Variants in APPBP2 observed in about 807,000 individuals in gnomAD.
The protein encoded by APPBP2 is amyloid protein-binding protein 2.
In APPBP2, 15 loss-of-function variants were observed where a neutral mutation model predicts 76.0. The observed-to-expected ratio is 0.20, with a 90% CI of 0.13 to 0.30. The LOEUF is 0.30. Ranked by LOEUF, APPBP2 falls within the 10% of genes least tolerant of loss-of-function variation. The probability of loss-of-function intolerance (pLI) is 1.00; values close to 1 mark genes in which losing one functional copy is unlikely to be tolerated. For missense variants in APPBP2, 401 were observed against 687.2 expected (o/e 0.58, Z 4.66); for synonymous variants, 222 against 242.2 (o/e 0.92, Z 0.77).
chr17:60,483,559 A>G (rs1026697325), intron 3 of APPBP2, among the ~76,000 whole-genome samples: 2 of 151,740 alleles, frequency 1.3e-5, no homozygotes, highest in Non-Finnish European at 2.9e-5. Context: ...ACACCTGGCT[A>G]TTTTTTTGTA....
In APPBP2 at chr17:60,519,778, A is replaced by ATT. The variant is rs748167583; in HGVS notation, c.138+6014_138+6015dup. On this transcript the variant is annotated intron_variant, in intron 1 of 12. Coordinates refer to ENST00000083182, the MANE Select transcript of APPBP2 (RefSeq NM_006380.5). Reference sequence around the variant, plus strand: ...TTTATAATTTTAGTAGCCAAATTTAATTTTTTTTTTTTTTTTTTTTTTTGA... The same window carrying ATT: ...TTTATAATTTTAGTAGCCAAATTTAATTTTTTTTTTTTTTTTTTTTTTTTTGA... 8.6e-3 allele frequency among the ~76,000 whole-genome samples: 1,014 copies of ATT among 117,580 alleles called. 2 individuals are homozygous for ATT. The highest frequency in any genetic ancestry group is 0.011 in the Non-Finnish European group (617 of 58,462). The allele number at this position is 117,580 out of a possible 152,430, so 77.1% of individuals were successfully genotyped here.
rs376085270 is a variant in APPBP2 at position 60,450,173 on chromosome 17, T to C, written c.1504+1707A>G. On this transcript the variant is annotated intron_variant, in intron 12 of 12. Coordinates refer to ENST00000083182, the MANE Select transcript of APPBP2 (RefSeq NM_006380.5). ...GATGCAGGCTGGACGCGGTGGCTCA[T>C]GAGGCCTGTAATCCCAGCACTCTGG... 1.6e-4 allele frequency among the ~76,000 whole-genome samples: 24 copies of C among 151,356 alleles called. 1 individual carries two copies. Among genetic ancestry groups the C allele is most frequent in the East Asian group, 1.6e-3 (8 of 5,070 alleles).
intron 9 of APPBP2, among the ~76,000 whole-genome samples, chr17:60,458,481 T>C (rs769797439): frequency 1.3e-5 from 2 of 152,024 alleles, no homozygotes; most frequent in Admixed American, 6.6e-5. Flanking sequence ...GTTTTCTTTA[T>C]GGGAATATTC....
chr17:60,450,677 G>A (rs1324541182), intron 12 of APPBP2, among the ~76,000 whole-genome samples: 4 of 151,148 alleles, frequency 2.6e-5, no homozygotes, highest in Non-Finnish European at 5.9e-5. Context: ...ACTCAGGTGG[G>A]CTGAGGCAGA....
At chr17:60,521,811 A>G (rs1292618885) in intron 1 of APPBP2, among the ~76,000 whole-genome samples, 2 of 152,040 alleles carry the variant, frequency 1.3e-5, no homozygotes, top group Non-Finnish European at 2.9e-5. Flanking sequence ...AGCTATCGTT[A>G]TTGTATTTTA....
intron 10 of APPBP2, 101 bp from the exon 11 acceptor site, chr17:60,454,593 T>C: frequency 4.3e-6 from 3 of 699,440 alleles, no homozygotes; most frequent in Non-Finnish European, 6.5e-6. Flanking sequence ...TTACTGAATA[T>C]ATTTATATGT....
At chr17:60,462,173 A>C in intron 6 of APPBP2, 112 bp from the exon 7 acceptor site, 1 of 792,888 alleles carries the variant, frequency 1.3e-6, no homozygotes, top group Non-Finnish European at 2.1e-6. Context: ...AACCCTCCAA[A>C]CATAAATACA....
intron 10 of APPBP2, among the ~76,000 whole-genome samples, chr17:60,456,073 C>T (rs1450317953): frequency 1.3e-5 from 2 of 152,156 alleles, no homozygotes; most frequent in Non-Finnish European, 2.9e-5. Context: ...CCACCCCATC[C>T]GGCCTATTAA....
At chr17:60,511,182 C>CAATAA (rs1490967217) in intron 1 of APPBP2, among the ~76,000 whole-genome samples, 2 of 152,182 alleles carry the variant, frequency 1.3e-5, no homozygotes, top group African/African-American at 4.8e-5. Context: ...CCAGCAATCT[C>CAATAA]TATATTTGGG....
intron 1 of APPBP2, among the ~76,000 whole-genome samples, chr17:60,502,624 G>T (rs570001430): frequency 1.4e-4 from 21 of 146,742 alleles, no homozygotes; most frequent in East Asian, 7.7e-4. Flanking sequence ...GAGGCCAAGG[G>T]GGGGTGGATC....
chr17:60,498,277 G>C (rs2090793011), intron 2 of APPBP2, among the ~76,000 whole-genome samples: 1 of 152,138 alleles, frequency 6.6e-6, no homozygotes, highest in African/African-American at 2.4e-5. Context: ...TTCCAAAGGG[G>C]ATAGAAGGAG....
intron 10 of APPBP2, among the ~76,000 whole-genome samples, chr17:60,454,838 T>C (rs1320550931): frequency 6.6e-6 from 1 of 152,200 alleles, no homozygotes; most frequent in Non-Finnish European, 1.5e-5. Flanking sequence ...GTCATGAAAC[T>C]GTGTCAAGGA....
Position 60,460,580 on chromosome 17 carries a change from T to G in APPBP2, c.1061+83A>C, listed in dbSNP as rs532415854. The stretch of plus-strand genomic sequence containing the variant: ...AGTATATCAAGTACTATTATTAATG[T>G]AATAATAGTTCCCTAATGGGAAAAA... On this transcript the variant is annotated intron_variant, in intron 9 of 12. Transcript: ENST00000083182. 70 of 1,388,422 alleles carry G rather than the reference T, an allele frequency of 5.0e-5. No homozygotes were observed. In the African/African-American group the frequency reaches 9.7e-4, roughly 19 times the overall value. 86.0% of individuals were successfully genotyped at this position (1,388,422 alleles called of 1,614,324 possible).
At chr17:60,511,784 A>G (rs544563916) in intron 1 of APPBP2, among the ~76,000 whole-genome samples, 7 of 152,286 alleles carry the variant, frequency 4.6e-5, no homozygotes, top group Admixed American at 3.9e-4. Flanking sequence ...AATCACTGTC[A>G]ACATAATGGC....
Position 60,504,726 on chromosome 17 carries a change from G to A in APPBP2, c.139-4239C>T, listed in dbSNP as rs557975775. Among the ~76,000 whole-genome samples, 20 of 152,236 alleles carry A rather than the reference G, an allele frequency of 1.3e-4. No homozygotes were observed. In the East Asian group the frequency reaches 3.9e-3, roughly 29 times the overall value. Reference sequence around the variant, plus strand: ...AGCTGAGGCATAAGAATTGCACAAAGTCAGGAGGCGGAGGTTGCAATAAGC... The same window carrying A: ...AGCTGAGGCATAAGAATTGCACAAAATCAGGAGGCGGAGGTTGCAATAAGC... On this transcript the variant is annotated intron_variant, in intron 1 of 12. Transcript: ENST00000083182.
chr17:60,474,927 T>G (rs937564790), intron 4 of APPBP2, among the ~76,000 whole-genome samples: 1 of 152,090 alleles, frequency 6.6e-6, no homozygotes, highest in Non-Finnish European at 1.5e-5. Flanking sequence ...GTTTAAAATT[T>G]TTATTTTAAA....
intron 1 of APPBP2, among the ~76,000 whole-genome samples, chr17:60,522,018 T>C (rs988786920): frequency 1.3e-5 from 2 of 152,170 alleles, no homozygotes; most frequent in Non-Finnish European, 2.9e-5. Flanking sequence ...TAGTAGACTA[T>C]ACCATCTAGG....
At chr17:60,486,702 T>C (rs1301070892) in intron 3 of APPBP2, among the ~76,000 whole-genome samples, 1 of 152,222 alleles carries the variant, frequency 6.6e-6, no homozygotes, top group Non-Finnish European at 1.5e-5. Flanking sequence ...TATTTAAGGT[T>C]AGTATTGTTA....
chr17:60,476,651 G>A (rs1379267716), intron 4 of APPBP2, among the ~76,000 whole-genome samples: 1 of 152,182 alleles, frequency 6.6e-6, no homozygotes, highest in Non-Finnish European at 1.5e-5. Flanking sequence ...CAGTGAGCTG[G>A]CATTATAAAT....
Sources: allele counts gnomAD v4.1 joint callset (sites outside exome capture counted in the v4.1 genomes callset), GRCh38; gene constraint gnomAD v4.1.1; transcripts MANE v1.5; gene names NCBI Gene and HGNC (gene_info 2026-07-23, HGNC 2026-07-21).